LRBA: variants seen among roughly 807,000 people sequenced by gnomAD.
LRBA encodes lipopolysaccharide-responsive and beige-like anchor protein.
In LRBA, 176 loss-of-function variants were observed where a neutral mutation model predicts 330.0. The ratio of observed to expected loss-of-function variants is 0.53; its 90% CI spans 0.47 to 0.60. The LOEUF (loss-of-function observed/expected upper bound fraction) is 0.60, where lower values mean the gene tolerates loss of function less well. LRBA is among the 20% of genes least tolerant of loss of function. The pLI, the probability that LRBA is intolerant of heterozygous loss-of-function variation, is 0.00. For synonymous variants in LRBA, 1,230 were observed against 1,193.0 expected (o/e 1.03, Z -0.64); for missense variants, 3,259 against 3,444.8 (o/e 0.95, Z 1.35).
At chr4:150,860,720 A>G (rs897022270) in intron 22 of LRBA, among the ~76,000 whole-genome samples, 19 of 151,878 alleles carry the variant, frequency 1.3e-4, no homozygotes, top group African/African-American at 4.4e-4. Context: ...CCAGCTACTC[A>G]GGGAGGCTGA....
chr4:150,420,359 GTATAAAGTATATATAATA>G (rs1748507785), intron 46 of LRBA, among the ~76,000 whole-genome samples: 2 of 88,534 alleles, frequency 2.3e-5, no homozygotes, highest in African/African-American at 6.7e-5. Context: ...ACACATTATA[GTATAAAGTATATATAATA>G]CACATTATAG....
At chr4:150,499,922 T>C (rs995193716) in intron 40 of LRBA, among the ~76,000 whole-genome samples, 1 of 151,906 alleles carries the variant, frequency 6.6e-6, no homozygotes, top group Admixed American at 6.6e-5. Context: ...AAACAGAGGA[T>C]ACTAGAGGTT....
chr4:150,457,562 CAAGAT>C (rs750520531), intron 44 of LRBA, among the ~76,000 whole-genome samples: 1 of 151,646 alleles, frequency 6.6e-6, no homozygotes, highest in Non-Finnish European at 1.5e-5. Flanking sequence ...AAATCATAGG[CAAGAT>C]AAGAATCAGA....
intron 46 of LRBA, chr4:150,423,429 T>A (rs377618064): frequency 6.5e-6 from 4 of 615,944 alleles, no homozygotes; most frequent in African/African-American, 1.9e-5. Flanking sequence ...TTGTGGAGGC[T>A]CTGGCGGTGA....
chr4:150,436,068 T>A (rs2151994216), intron 45 of LRBA, among the ~76,000 whole-genome samples: 1 of 152,274 alleles, frequency 6.6e-6, no homozygotes, highest in African/African-American at 2.4e-5. Flanking sequence ...ATATTTAATT[T>A]ATGATTAAGA....
At chr4:150,840,289 T>A (rs1748866260) in intron 28 of LRBA, among the ~76,000 whole-genome samples, 1 of 152,248 alleles carries the variant, frequency 6.6e-6, no homozygotes, top group Admixed American at 6.5e-5. Context: ...CTTCACAACT[T>A]GGCTAAATGT....
intron 37 of LRBA, among the ~76,000 whole-genome samples, chr4:150,654,897 T>C (rs1442341056): frequency 1.3e-5 from 2 of 152,214 alleles, no homozygotes; most frequent in African/African-American, 4.8e-5. Context: ...GGCTGCATAG[T>C]ATTCCATGGT....
At chr4:150,358,001 G>A (rs866829306) in intron 47 of LRBA, among the ~76,000 whole-genome samples, 1 of 151,976 alleles carries the variant, frequency 6.6e-6, no homozygotes, top group African/African-American at 2.4e-5. Flanking sequence ...AAACCAGATG[G>A]CCTGGAAAAA....
intron 40 of LRBA, 25 bp from the exon 41 acceptor site, chr4:150,491,060 G>A (rs764650607): frequency 5.9e-6 from 7 of 1,185,370 alleles, no homozygotes; most frequent in Non-Finnish European, 8.5e-6. Flanking sequence ...AATAATCCCA[G>A]GTAAGTAACA....
intron 34 of LRBA, among the ~76,000 whole-genome samples, chr4:150,786,595 A>G (rs1739093469): frequency 6.6e-6 from 1 of 152,206 alleles, no homozygotes; most frequent in South Asian, 2.1e-4. Context: ...CTCAAGATTC[A>G]TGACTCAAGG....
At chr4:150,561,518 G>A (rs1200271395) in intron 40 of LRBA, among the ~76,000 whole-genome samples, 2 of 152,132 alleles carry the variant, frequency 1.3e-5, no homozygotes, top group African/African-American at 2.4e-5. Context: ...AGTACAAGAG[G>A]GTGGCAGATT....
At position 150,650,892 on chromosome 4, in the gene LRBA, G is replaced by C. The variant is rs1450765615; in HGVS notation, c.5921+32659C>G. 2.0e-5 allele frequency among the ~76,000 whole-genome samples: 3 copies of C among 152,132 alleles called. No individual in the cohort carries two copies. The East Asian group carries it at 5.8e-4, about 29-fold the overall frequency. On this transcript the variant is annotated intron_variant, in intron 37 of 56. Transcript: ENST00000651943. Reference sequence around the variant, plus strand: ...AACTTGGGGAGAGAACTAAAGAGGAGAAACCATCATGTCTATTATTACTGT... The same window carrying C: ...AACTTGGGGAGAGAACTAAAGAGGACAAACCATCATGTCTATTATTACTGT...
chr4:150,802,004 TATAAATAAATAA>T (rs10582625), intron 33 of LRBA, among the ~76,000 whole-genome samples: 115 of 132,060 alleles, frequency 8.7e-4, no homozygotes, highest in African/African-American at 2.5e-3. Context: ...AACCCATCTC[TATAAATAAATAA>T]ATAAATAAAT....
intron 47 of LRBA, among the ~76,000 whole-genome samples, chr4:150,365,256 C>T (rs748000697): frequency 2.0e-5 from 3 of 152,070 alleles, no homozygotes; most frequent in Non-Finnish European, 4.4e-5. Flanking sequence ...ATCTGCCTGC[C>T]TTGGCCTCCC....
intron 2 of LRBA, among the ~76,000 whole-genome samples, chr4:150,943,623 G>T (rs1303885097): frequency 6.6e-6 from 1 of 152,158 alleles, no homozygotes; most frequent in Non-Finnish European, 1.5e-5. Context: ...AGTTTTTCAG[G>T]TAAGTAGTTT....
intron 44 of LRBA, among the ~76,000 whole-genome samples, chr4:150,466,283 A>C (rs973896797): frequency 7.0e-6 from 1 of 142,366 alleles, no homozygotes; most frequent in Non-Finnish European, 1.6e-5. Context: ...TGAGTAAATA[A>C]GAGAACACAC....
intron 49 of LRBA, among the ~76,000 whole-genome samples, chr4:150,322,995 CTG>C (rs577818605): frequency 1.1e-3 from 25 of 23,788 alleles, no homozygotes; most frequent in Admixed American, 3.0e-3. Flanking sequence ...GTGTGTGTCT[CTG>C]TGTGTGTGTG....
chr4:150,491,483 AATACAAAT>A (rs1243430267), intron 40 of LRBA, among the ~76,000 whole-genome samples: 5 of 152,122 alleles, frequency 3.3e-5, no homozygotes, highest in Non-Finnish European at 7.4e-5. Context: ...CATACATTAT[AATACAAAT>A]ATATTAAGTT....
At chr4:150,286,485 C>A (rs990595031) in intron 53 of LRBA, among the ~76,000 whole-genome samples, 19 of 152,128 alleles carry the variant, frequency 1.2e-4, no homozygotes, top group African/African-American at 4.3e-4. Context: ...ACTTCTGCTA[C>A]CCCCACAGTA....
Sources: allele counts gnomAD v4.1 joint callset (sites outside exome capture counted in the v4.1 genomes callset), GRCh38; gene constraint gnomAD v4.1.1; transcripts MANE v1.5; gene names NCBI Gene and HGNC (gene_info 2026-07-23, HGNC 2026-07-21).